SPATS2L: variants seen among roughly 807,000 people sequenced by gnomAD.
SPATS2L encodes SPATS2-like protein.
SPATS2L carries 30 observed loss-of-function variants against 59.6 expected under a neutral mutation model. That is an observed-to-expected ratio of 0.50 (90% CI 0.38 to 0.68). The LOEUF (loss-of-function observed/expected upper bound fraction) is 0.68, where lower values mean the gene tolerates loss of function less well. Among genes scored for constraint, SPATS2L ranks in the 30% least tolerant of loss-of-function variants. The probability of loss-of-function intolerance (pLI) is 0.00; values close to 1 mark genes in which losing one functional copy is unlikely to be tolerated. For synonymous variants in SPATS2L, 252 were observed against 263.5 expected (o/e 0.96, Z 0.42); for missense variants, 615 against 700.0 (o/e 0.88, Z 1.37).
intron 6 of SPATS2L, among the ~76,000 whole-genome samples, chr2:200,425,395 C>T (rs1559120436): frequency 1.3e-5 from 2 of 152,140 alleles, no homozygotes; most frequent in South Asian, 2.1e-4. Flanking sequence ...TCTAGGATTT[C>T]AGCGGTGCCA....
intron 8 of SPATS2L, among the ~76,000 whole-genome samples, chr2:200,450,561 A>G (rs537881450): frequency 6.6e-6 from 1 of 152,244 alleles, no homozygotes; most frequent in East Asian, 1.9e-4. Context: ...TCCACTTAAT[A>G]GATAGATGAA....
chr2:200,385,435 G>C (rs1271636721), intron 2 of SPATS2L, among the ~76,000 whole-genome samples: 4 of 152,182 alleles, frequency 2.6e-5, no homozygotes, highest in Non-Finnish European at 5.9e-5. Context: ...GCAGAAAAGA[G>C]AATCTCAAAA....
chr2:200,384,277 A>T (rs956366595), intron 2 of SPATS2L, among the ~76,000 whole-genome samples: 1 of 152,212 alleles, frequency 6.6e-6, no homozygotes, highest in African/African-American at 2.4e-5. Context: ...CTCAGTGATC[A>T]GTTCAATATA....
chr2:200,330,301 G>A (rs556074562), intron 2 of SPATS2L, among the ~76,000 whole-genome samples: 1 of 66,146 alleles, frequency 1.5e-5, no homozygotes, highest in Non-Finnish European at 3.8e-5. Context: ...ATTGCCTCCT[G>A]GATATTTCCA....
At chr2:200,381,119 A>T (rs907298813) in intron 2 of SPATS2L, among the ~76,000 whole-genome samples, 12 of 152,356 alleles carry the variant, frequency 7.9e-5, no homozygotes, top group African/African-American at 2.6e-4. Flanking sequence ...CACAGAAAAC[A>T]TACCTAGTAC....
intron 1 of SPATS2L, among the ~76,000 whole-genome samples, chr2:200,307,159 G>A (rs1378891710): frequency 6.6e-6 from 1 of 151,412 alleles, no homozygotes; most frequent in South Asian, 2.1e-4. Context: ...AGCCGGCGCG[G>A]GCAAGCGGGA....
chr2:200,337,083 C>A (rs2080167432), intron 2 of SPATS2L, among the ~76,000 whole-genome samples: 1 of 152,132 alleles, frequency 6.6e-6, no homozygotes, highest in Admixed American at 6.5e-5. Context: ...AACTAACTCT[C>A]AATACATTAT....
At chr2:200,324,848 G>T (rs1016493699) in intron 1 of SPATS2L, among the ~76,000 whole-genome samples, 9 of 152,264 alleles carry the variant, frequency 5.9e-5, no homozygotes, top group South Asian at 2.1e-4. Context: ...AGAGTCCCTT[G>T]GAGTGAGCTG....
At chr2:200,330,875 G>C (rs1447538617) in intron 2 of SPATS2L, among the ~76,000 whole-genome samples, 1 of 152,184 alleles carries the variant, frequency 6.6e-6, no homozygotes, top group Non-Finnish European at 1.5e-5. Context: ...ATCATGTGTT[G>C]GAACGCTACT....
intron 1 of SPATS2L, among the ~76,000 whole-genome samples, chr2:200,322,313 A>G (rs2079588846): frequency 6.6e-6 from 1 of 152,236 alleles, no homozygotes; most frequent in African/African-American, 2.4e-5. Context: ...CTCCCCAGGA[A>G]TCAGGGTATT....
chr2:200,429,953 A>G (rs1026168160), intron 6 of SPATS2L, among the ~76,000 whole-genome samples: 1 of 152,170 alleles, frequency 6.6e-6, no homozygotes, highest in African/African-American at 2.4e-5. Flanking sequence ...GTGATTTCAG[A>G]TGAGATCATT....
intron 2 of SPATS2L, among the ~76,000 whole-genome samples, chr2:200,385,731 C>T (rs1469536795): frequency 6.6e-6 from 1 of 151,826 alleles, no homozygotes; most frequent in Admixed American, 6.6e-5. Flanking sequence ...CTCGCTCTGT[C>T]GCCCAGGCTG....
chr2:200,399,536 T>C (rs1233551635), intron 3 of SPATS2L, among the ~76,000 whole-genome samples: 1 of 152,152 alleles, frequency 6.6e-6, no homozygotes, highest in African/African-American at 2.4e-5. Flanking sequence ...ATTTGGCAAA[T>C]GCTGACTAGT....
At chr2:200,352,307 C>A (rs2080759987) in intron 2 of SPATS2L, among the ~76,000 whole-genome samples, 1 of 103,808 alleles carries the variant, frequency 9.6e-6, no homozygotes. Context: ...ATATAACCAG[C>A]AGTTTTTATA....
In SPATS2L at chr2:200,322,938, G is replaced by A. The variant is rs749973109; in HGVS notation, c.-72-6493G>A. Among the ~76,000 whole-genome samples the A allele has an allele frequency of 9.2e-5, 14 of 152,092 alleles. 1 individual carries two copies. Among genetic ancestry groups the A allele is most frequent in the Non-Finnish European group, 1.8e-4 (12 of 68,030 alleles). ...GTTTTTGAGATCTCGAATTTTTATA[G>A]CCTTTGAGCTTGCTCATTTTTGTCT... On this transcript the variant is annotated intron_variant, in intron 1 of 12. Transcript: ENST00000409140.
intron 2 of SPATS2L, among the ~76,000 whole-genome samples, chr2:200,331,816 A>T (rs1306185444): frequency 6.6e-6 from 1 of 152,202 alleles, no homozygotes; most frequent in Non-Finnish European, 1.5e-5. Flanking sequence ...TATTGGTAAG[A>T]CAGTGGTCGA....
chr2:200,391,397 A>C (rs1179425407), intron 3 of SPATS2L, among the ~76,000 whole-genome samples: 1 of 152,206 alleles, frequency 6.6e-6, no homozygotes, highest in Non-Finnish European at 1.5e-5. Context: ...TTAATATTCT[A>C]AGTATATTTC....
chr2:200,377,464 C>A (rs946926091), intron 2 of SPATS2L, among the ~76,000 whole-genome samples: 1 of 152,144 alleles, frequency 6.6e-6, no homozygotes, highest in African/African-American at 2.4e-5. Context: ...GATGGTGGGG[C>A]CTGATCTGAG....
intron 1 of SPATS2L, among the ~76,000 whole-genome samples, chr2:200,315,379 G>C (rs906401250): frequency 6.6e-6 from 1 of 152,168 alleles, no homozygotes; most frequent in East Asian, 1.9e-4. Flanking sequence ...AATTCTCGTG[G>C]TATGGTAGAG....
Sources: allele counts gnomAD v4.1 joint callset (sites outside exome capture counted in the v4.1 genomes callset), GRCh38; gene constraint gnomAD v4.1.1; transcripts MANE v1.5; gene names NCBI Gene and HGNC (gene_info 2026-07-23, HGNC 2026-07-21).